The following DPP4 variants were observed in gnomAD, a reference collection of about 807,000 sequenced individuals.
DPP4 encodes the protein dipeptidyl peptidase 4, also known as ADCP-2.
In DPP4, 93 loss-of-function variants were observed where a neutral mutation model predicts 122.4. The ratio of observed to expected loss-of-function variants is 0.76; its 90% confidence interval spans 0.64 to 0.90. DPP4 has a LOEUF of 0.90. Ranked by LOEUF, DPP4 falls within the 40% of genes least tolerant of loss-of-function variation. DPP4 has a pLI of 0.00. For synonymous variants in DPP4, 321 were observed against 302.9 expected, an observed-to-expected ratio of 1.06 and a Z score of -0.62; for missense variants, 914 against 907.3, an observed-to-expected ratio of 1.01 and a Z score of -0.09.
rs202200007 is a variant in DPP4 at position 162,074,018 on chromosome 2, G to A, written c.-37C>T. On this transcript the variant is annotated 5_prime_UTR_variant, in exon 1 of 26. Transcript: ENST00000360534. ...CCTCGGAAGTGAGCGTTCAGAGAAG[G>A]AGCGCAGGCAGAAGTCACCGCGGGC... 3.2e-5 allele frequency: 51 copies of A among 1,608,008 alleles called. No homozygotes were observed. The highest frequency in any genetic ancestry group is 5.1e-5 in the Admixed American group (3 of 59,176).
Position 162,073,921 on chromosome 2 carries a change from T to C in DPP4, c.6+55A>G. 2.5e-6 allele frequency: 4 copies of C among 1,604,848 alleles called. No homozygotes were observed. In the Admixed American group the frequency reaches 5.1e-5, roughly 21 times the overall value. On this transcript the variant is annotated intron_variant, in intron 1 of 25. Coordinates refer to ENST00000360534, the MANE Select transcript of DPP4 (RefSeq NM_001935.4). The stretch of plus-strand genomic sequence containing the variant: ...CCAGCTTTTGGGCCATTTGGGGAGT[T>C]TGGCGAAGAGGTCCCCACAGCTCGC...
At chr2:162,029,130 A>G (rs1683451472) in intron 10 of DPP4, among the ~76,000 whole-genome samples, 1 of 152,254 alleles carries the variant, frequency 6.6e-6, no homozygotes, top group Non-Finnish European at 1.5e-5. Context: ...AAAATCACAC[A>G]ACAGAGAATC....
At chr2:162,018,670 G>A (rs911344037) in intron 16 of DPP4, 59 bp downstream of exon 16, 4 of 1,577,904 alleles carry the variant, frequency 2.5e-6, no homozygotes, top group Non-Finnish European at 3.4e-6. Flanking sequence ...AATAGAGGGA[G>A]CTGCTTCGAA....
intron 23 of DPP4, among the ~76,000 whole-genome samples, chr2:162,004,190 A>C (rs1701222922): frequency 6.6e-6 from 1 of 152,202 alleles, no homozygotes; most frequent in African/African-American, 2.4e-5. Flanking sequence ...GTACACAAGA[A>C]GGAACCATGA....
chr2:161,994,475 C>A, intron 25 of DPP4, among the ~76,000 whole-genome samples: 1 of 152,186 alleles, frequency 6.6e-6, no homozygotes, highest in East Asian at 1.9e-4. Flanking sequence ...AATTGTTTAT[C>A]GCCTGTGGTT....
At chr2:162,047,341 C>A in intron 3 of DPP4, 62 bp downstream of exon 3, 1 of 947,154 alleles carries the variant, frequency 1.1e-6, no homozygotes, top group Non-Finnish European at 1.6e-6. Context: ...TAAAAGCCCA[C>A]ATCTCGACTT....
chr2:162,032,976 C>T (rs11691329), intron 10 of DPP4, among the ~76,000 whole-genome samples: 2,690 of 152,248 alleles, frequency 0.018, 26 homozygotes, highest in Middle Eastern at 0.034. Flanking sequence ...TGGGACCTGA[C>T]CTTGTCCCTT....
intron 22 of DPP4, among the ~76,000 whole-genome samples, chr2:162,007,610 CTTACAAAGATTTACTCCA>C (rs1011367653): frequency 6.6e-6 from 1 of 152,082 alleles, no homozygotes; most frequent in Admixed American, 6.6e-5. Context: ...TATTTTTAAA[CTTACAAAGATTTACTCCA>C]TTATTTTATT....
At position 161,993,075 on chromosome 2, in the gene DPP4, T is replaced by C; in HGVS notation, c.*208A>G. ...AAACAATAAAACCCGACCGGATAAT[T>C]CAAACTTCTGTAAGGTAATAATCTG... On this transcript the variant is annotated 3_prime_UTR_variant, in exon 26 of 26. Coordinates refer to ENST00000360534, the MANE Select transcript of DPP4 (RefSeq NM_001935.4). The C allele has an allele frequency of 2.2e-6, 1 of 453,690 alleles. No individual in the cohort carries two copies. 28.1% of individuals were successfully genotyped at this position (453,690 alleles called of 1,614,324 possible). A position where few individuals can be genotyped will look rare whatever the true frequency, so the allele number is the denominator to read the frequency against.
In DPP4 at chr2:162,008,579, G is replaced by C. The variant is rs757673793; in HGVS notation, c.1970C>G (p.Ser657Cys). Residue 657 changes from serine to cysteine, a missense_variant, in exon 22 of 26, where the codon TCC becomes TGC. Physicochemically the swap from Ser to Cys is moderately radical, Grantham distance 112. Coordinates refer to ENST00000360534, the MANE Select transcript of DPP4 (RefSeq NM_001935.4). ...FKCGIAVAPV[S>C]RWEYYDSVYT... Reference sequence around the variant, plus strand: ...TTACATACCATAGTACTCCCACCGGGATACAGGCGCCACGGCTATTCCACA... The same window carrying C: ...TTACATACCATAGTACTCCCACCGGCATACAGGCGCCACGGCTATTCCACA... 1 of 1,613,574 alleles carries C rather than the reference G, an allele frequency of 6.2e-7. No individual in the cohort carries two copies.
At position 161,993,686 on chromosome 2, in the gene DPP4, A is replaced by G. The variant is rs1700922404; in HGVS notation, c.2200-302T>C. 3.9e-5 allele frequency among the ~76,000 whole-genome samples: 6 copies of G among 152,300 alleles called. No homozygotes were observed. In the South Asian group the frequency reaches 1.2e-3, roughly 32 times the overall value. Reference sequence around the variant, plus strand: ...CTTTAAAGATACGTACATTTTAATTAAAACACCCAATCCATTTCCAAATTT... The same window carrying G: ...CTTTAAAGATACGTACATTTTAATTGAAACACCCAATCCATTTCCAAATTT... On this transcript the variant is annotated intron_variant, in intron 25 of 25. Coordinates refer to ENST00000360534, the MANE Select transcript of DPP4 (RefSeq NM_001935.4).
intron 19 of DPP4, 63 bp downstream of exon 19, chr2:162,014,333 T>C: frequency 7.3e-7 from 1 of 1,366,870 alleles, no homozygotes; most frequent in Non-Finnish European, 1.0e-6. Context: ...TTCAGTAAGC[T>C]GCACTGAGAA....
chr2:162,029,716 T>C (rs1277618915), intron 10 of DPP4, among the ~76,000 whole-genome samples: 1 of 152,184 alleles, frequency 6.6e-6, no homozygotes, highest in Non-Finnish European at 1.5e-5. Context: ...ATGGGGTATG[T>C]CATGAGCTGG....
Position 161,995,313 on chromosome 2 carries a change from A to T in DPP4, c.2112T>A (p.His704Gln), listed in dbSNP as rs926037556. ...NFKQVEYLLI[H>Q]GTADDNVHFQ... ...ACTGAAACTCACCATCTGCTGTTCC[A>T]TGAATAAGGAGGTACTCAACTTGTT... The change falls in exon 24 of 26, where the codon CAT (histidine) becomes CAA (glutamine). Residue 704 changes from histidine (H) to glutamine (Q), a missense_variant. Coordinates refer to ENST00000360534, the MANE Select transcript of DPP4 (RefSeq NM_001935.4). 7 of 1,614,004 alleles carry T rather than the reference A, an allele frequency of 4.3e-6. No individual in the cohort carries two copies. Among genetic ancestry groups the T allele is most frequent in the Non-Finnish European group, 5.1e-6 (6 of 1,179,868 alleles).
Position 162,014,378 on chromosome 2 carries a change from C to T in DPP4, c.1637+18G>A, listed in dbSNP as rs201660305. On this transcript the variant is annotated intron_variant, in intron 19 of 25. Transcript: ENST00000360534. Reference sequence around the variant, plus strand: ...TGACTCAATACTTCTAAATTGCTCCCTTCTCTTGAATACTTACACATCTAA... The same window carrying T: ...TGACTCAATACTTCTAAATTGCTCCTTTCTCTTGAATACTTACACATCTAA... 5.1e-5 allele frequency: 82 copies of T among 1,593,484 alleles called. 1 individual carries two copies. In the South Asian group the frequency reaches 8.1e-4, roughly 16 times the overall value.
rs1308113426 is a variant in DPP4 at position 162,017,170 on chromosome 2, G to A, written c.1421-15C>T. ...CAGACCAGGACCTGTTAACACAATGGGGGAAAAATGTTTTGGATGAATACT... is the reference window on the plus strand; with the variant it reads ...CAGACCAGGACCTGTTAACACAATGAGGGAAAAATGTTTTGGATGAATACT... On this transcript the variant is annotated splice_polypyrimidine_tract_variant and intron_variant, in intron 16 of 25. Transcript: ENST00000360534. The A allele has an allele frequency of 3.7e-6, 6 of 1,608,408 alleles. No individual in the cohort carries two copies. Among genetic ancestry groups the A allele is most frequent in the Non-Finnish European group, 5.1e-6 (6 of 1,178,150 alleles).
chr2:162,048,715 T>A (rs919334931), intron 2 of DPP4, among the ~76,000 whole-genome samples: 2 of 152,170 alleles, frequency 1.3e-5, no homozygotes, highest in Non-Finnish European at 2.9e-5. Context: ...GAAGACTAGT[T>A]CTGCCCCCTC....
chr2:162,020,707 C>A lies in DPP4; in HGVS notation c.1069-19G>T. The A allele has an allele frequency of 6.4e-7, 1 of 1,570,260 alleles. No individual in the cohort carries two copies. Among genetic ancestry groups the A allele is most frequent in the Non-Finnish European group, 8.7e-7 (1 of 1,148,944 alleles). ...GCCTAAACTAGAAAATAATAGAGAA[C>A]AAAAGAACATTAAAGCACAGTGTCT... On this transcript the variant is annotated intron_variant, in intron 12 of 25. Coordinates refer to ENST00000360534, the MANE Select transcript of DPP4 (RefSeq NM_001935.4).
intron 23 of DPP4, among the ~76,000 whole-genome samples, chr2:161,999,853 A>G (rs1229163474): frequency 1.3e-5 from 2 of 152,164 alleles, no homozygotes; most frequent in African/African-American, 4.8e-5. Context: ...AGCTTCCTTC[A>G]TGGCAGGCAC....
Sources: gnomAD v4.1 joint callset for allele counts (sites outside exome capture counted in the v4.1 genomes callset) on GRCh38, gnomAD v4.1.1 for gene constraint, MANE v1.5 for transcripts, NCBI Gene and HGNC (gene_info 2026-07-23, HGNC 2026-07-21) for gene names.